Variants in ICA1 observed in about 807,000 individuals in gnomAD.
ICA1 encodes islet cell autoantigen 1.
A neutral mutation model predicts 71.0 loss-of-function variants in ICA1; 40 were observed. The ratio of observed to expected loss-of-function variants is 0.56; its 90% confidence interval spans 0.44 to 0.73. The LOEUF (loss-of-function observed/expected upper bound fraction) is 0.73. ICA1 is among the 30% of genes least tolerant of loss of function. The pLI is 0.00. For missense variants in ICA1, 578 were observed against 576.5 expected (o/e 1.00, Z -0.03); for synonymous variants, 207 against 209.5 (o/e 0.99, Z 0.10).
At chr7:8,131,890 C>T (rs1217714465) in intron 12 of ICA1, among the ~76,000 whole-genome samples, 2 of 152,206 alleles carry the variant, frequency 1.3e-5, no homozygotes, top group Non-Finnish European at 2.9e-5. Context: ...GGGAGAAACT[C>T]TAGTAAGAAA....
chr7:8,189,744 T>A (rs536227767), intron 6 of ICA1, among the ~76,000 whole-genome samples: 3 of 141,792 alleles, frequency 2.1e-5, no homozygotes, highest in African/African-American at 7.7e-5. Context: ...TAGGCAGCGC[T>A]CCCTTGAGCA....
chr7:8,211,986 C>G (rs1793951647), intron 6 of ICA1, among the ~76,000 whole-genome samples: 1 of 152,120 alleles, frequency 6.6e-6, no homozygotes, highest in Non-Finnish European at 1.5e-5. Flanking sequence ...AGGTTACTGA[C>G]CCTTGCAAAA....
chr7:8,254,065 G>T (rs1809165056), intron 1 of ICA1, among the ~76,000 whole-genome samples: 1 of 152,142 alleles, frequency 6.6e-6, no homozygotes, highest in African/African-American at 2.4e-5. Context: ...GAACCTCCTG[G>T]CTGAGAGTGA....
At chr7:8,221,699 C>T (rs533836417) in intron 4 of ICA1, among the ~76,000 whole-genome samples, 64 of 152,264 alleles carry the variant, frequency 4.2e-4, no homozygotes, top group East Asian at 5.8e-4. Context: ...TGTGCGGCTT[C>T]GAGCTGAAAT....
Position 8,139,129 on chromosome 7 carries a change from G to A in ICA1, c.956-82C>T, listed in dbSNP as rs1042190410. The A allele has an allele frequency of 3.3e-5, 36 of 1,101,954 alleles. No individual in the cohort carries two copies. The Admixed American group carries it at 4.0e-4, about 12-fold the overall frequency. 68.3% of individuals were successfully genotyped at this position (1,101,954 alleles called of 1,614,324 possible). On this transcript the variant is annotated intron_variant, in intron 10 of 13. Transcript: ENST00000402384. Reference sequence around the variant, plus strand: ...TACGCTATTGCAGTGTAAGGTAAATGCACGGCTTCAGGAAGAAATGGGATC... The same window carrying A: ...TACGCTATTGCAGTGTAAGGTAAATACACGGCTTCAGGAAGAAATGGGATC...
At chr7:8,211,128 T>C (rs548329315) in intron 6 of ICA1, among the ~76,000 whole-genome samples, 2 of 152,306 alleles carry the variant, frequency 1.3e-5, no homozygotes, top group East Asian at 1.9e-4. Context: ...CAGCCCACAT[T>C]GTGGGGGCAA....
At chr7:8,251,427 T>C (rs1311314020) in intron 1 of ICA1, among the ~76,000 whole-genome samples, 1 of 149,122 alleles carries the variant, frequency 6.7e-6, no homozygotes, top group Non-Finnish European at 1.5e-5. Flanking sequence ...ACTTTGCTCA[T>C]CTGTAAAACA....
intron 13 of ICA1, among the ~76,000 whole-genome samples, chr7:8,127,281 C>A (rs547946955): frequency 3.3e-5 from 5 of 151,990 alleles, no homozygotes; most frequent in Non-Finnish European, 7.4e-5. Flanking sequence ...CATGAGCCAC[C>A]ATGCCTGGCC....
At chr7:8,178,046 C>G (rs1781121220) in intron 6 of ICA1, among the ~76,000 whole-genome samples, 1 of 152,194 alleles carries the variant, frequency 6.6e-6, no homozygotes, top group African/African-American at 2.4e-5. Flanking sequence ...CTACCTCCAT[C>G]TTTGGCTTCT....
chr7:8,204,680 A>G (rs532229173), intron 6 of ICA1, among the ~76,000 whole-genome samples: 2 of 152,346 alleles, frequency 1.3e-5, no homozygotes, highest in East Asian at 3.9e-4. Flanking sequence ...TAAGAAAAAG[A>G]TATTTTTAAA....
chr7:8,184,682 G>A (rs1362185426), intron 6 of ICA1, among the ~76,000 whole-genome samples: 1 of 152,210 alleles, frequency 6.6e-6, no homozygotes, highest in Non-Finnish European at 1.5e-5. Flanking sequence ...CCTATTGTAT[G>A]TTAAATATAC....
chr7:8,118,581 G>C (rs1785544323), intron 13 of ICA1, among the ~76,000 whole-genome samples: 1 of 152,100 alleles, frequency 6.6e-6, no homozygotes, highest in Non-Finnish European at 1.5e-5. Flanking sequence ...TAGAAAATTG[G>C]CCCCTGACCA....
intron 6 of ICA1, among the ~76,000 whole-genome samples, chr7:8,183,875 T>C (rs1020080078): frequency 1.3e-5 from 2 of 152,076 alleles, no homozygotes; most frequent in African/African-American, 4.8e-5. Flanking sequence ...CTTAAGGAAA[T>C]TTCAAGTTGT....
At chr7:8,194,248 T>C (rs1264092271) in intron 6 of ICA1, among the ~76,000 whole-genome samples, 2 of 152,178 alleles carry the variant, frequency 1.3e-5, no homozygotes, top group East Asian at 1.9e-4. Flanking sequence ...CCTAGATCCC[T>C]GAATCAGAAT....
rs528896641 is a variant in ICA1, at chr7:8,207,335, C to T, written c.579+10970G>A. On this transcript the variant is annotated intron_variant, in intron 6 of 13. Coordinates refer to ENST00000402384, the MANE Select transcript of ICA1 (RefSeq NM_001136020.3). ...GAATTTCATTTCAGAGTTATACCAA[C>T]AGGCTCTTAGGGTCTGCTTCTTTTT... is the stretch of plus-strand genomic sequence containing the variant. Among the ~76,000 whole-genome samples, 3 of 152,318 alleles carry T rather than the reference C, an allele frequency of 2.0e-5. No individual in the cohort carries two copies. The South Asian group carries it at 6.2e-4, about 32-fold the overall frequency.
In ICA1 at chr7:8,127,954, G is replaced by T. The variant is rs772669398; in HGVS notation, c.1249C>A (p.Pro417Thr). Reference protein sequence around the residue: ...VPTMALGEPDPKAQTGSGFLP... With the variant: ...VPTMALGEPDTKAQTGSGFLP... ...AAACCTGAGCCTGTCTGGGCCTTGG[G>T]GTCTGGCTCTCCCAGGGCCATAGTG... Residue 417 changes from proline to threonine, a missense_variant, in exon 13 of 14, where the codon CCC becomes ACC. Coordinates refer to ENST00000402384, the MANE Select transcript of ICA1 (RefSeq NM_001136020.3). 5.6e-6 allele frequency: 9 copies of T among 1,614,066 alleles called. No individual in the cohort carries two copies. In the East Asian group the frequency reaches 8.9e-5, roughly 16 times the overall value.
intron 1 of ICA1, among the ~76,000 whole-genome samples, chr7:8,246,230 C>G (rs912585035): frequency 6.6e-6 from 1 of 152,220 alleles, no homozygotes; most frequent in African/African-American, 2.4e-5. Flanking sequence ...GTCAGCACAA[C>G]TTGATCGCAT....
intron 6 of ICA1, among the ~76,000 whole-genome samples, chr7:8,207,663 G>A (rs1037144709): frequency 6.6e-6 from 1 of 152,180 alleles, no homozygotes; most frequent in African/African-American, 2.4e-5. Context: ...TGAGAATTGT[G>A]CACATTTTAG....
intron 1 of ICA1, among the ~76,000 whole-genome samples, chr7:8,247,621 A>G (rs2128511012): frequency 6.6e-6 from 1 of 152,294 alleles, no homozygotes; most frequent in African/African-American, 2.4e-5. Flanking sequence ...CATTGCCACA[A>G]AGTGGACAGG....
Sources: allele counts gnomAD v4.1 joint callset (sites outside exome capture counted in the v4.1 genomes callset), GRCh38; gene constraint gnomAD v4.1.1; transcripts MANE v1.5; gene names NCBI Gene and HGNC (gene_info 2026-07-23, HGNC 2026-07-21).